Variants in SDHC observed in about 807,000 individuals in gnomAD.
SDHC encodes succinate dehydrogenase complex subunit C.
A neutral mutation model predicts 22.6 loss-of-function variants in SDHC; 11 were observed. The ratio of observed to expected loss-of-function variants is 0.49; its 90% CI spans 0.31 to 0.81. SDHC has a LOEUF of 0.81. SDHC is among the 30% of genes least tolerant of loss of function. The pLI, the probability that SDHC is intolerant of heterozygous loss-of-function variation, is 0.05. For missense variants in SDHC, 160 were observed against 212.0 expected (o/e 0.75, Z 1.52); for synonymous variants, 80 against 77.8 (o/e 1.03, Z -0.15).
chr1:161,323,029 C>T lies in SDHC; in HGVS notation c.21-585C>T, dbSNP rs181750089. ...TTATTTTTTTTTTGAGACAGAGTCT[C>T]GCTCTGTCACCCGGGCTGGAGTGCA... On this transcript the variant is annotated intron_variant, in intron 1 of 5. Coordinates refer to ENST00000367975, the MANE Select transcript of SDHC (RefSeq NM_003001.5). Among the ~76,000 whole-genome samples, 348 of 151,250 alleles carry T rather than the reference C, an allele frequency of 2.3e-3. 1 individual carries two copies. Among genetic ancestry groups the T allele is most frequent in the African/African-American group, 7.8e-3 (323 of 41,156 alleles).
intron 4 of SDHC, among the ~76,000 whole-genome samples, chr1:161,355,719 C>T (rs771168019): frequency 2.0e-5 from 3 of 152,182 alleles, no homozygotes; most frequent in Non-Finnish European, 2.9e-5. Context: ...CGCAGTGGCT[C>T]ATGCTGGTAA....
chr1:161,351,777 A>G (rs4481873), intron 4 of SDHC, among the ~76,000 whole-genome samples: 17,820 of 152,226 alleles, frequency 0.12, 1,416 homozygotes, highest in African/African-American at 0.22. Context: ...GTGTGACAAC[A>G]CTGGAAATAA....
At chr1:161,340,481 A>G (rs1371959374) in intron 3 of SDHC, 113 bp from the exon 4 acceptor site, 2 of 966,382 alleles carry the variant, frequency 2.1e-6, no homozygotes, top group Non-Finnish European at 3.2e-6. Context: ...CAAAAAAAAA[A>G]AAAGAAAAAA....
chr1:161,360,816 G>T (rs1267059838), intron 5 of SDHC, among the ~76,000 whole-genome samples: 1 of 151,712 alleles, frequency 6.6e-6, no homozygotes, highest in Non-Finnish European at 1.5e-5. Flanking sequence ...AAATAGAATA[G>T]AAAATATAGG....
At chr1:161,328,962 T>C (rs766906127) in intron 3 of SDHC, among the ~76,000 whole-genome samples, 6 of 152,038 alleles carry the variant, frequency 3.9e-5, no homozygotes, top group Non-Finnish European at 7.4e-5. Flanking sequence ...GGCTGGAGTG[T>C]AGTGGCGCGA....
intron 4 of SDHC, among the ~76,000 whole-genome samples, chr1:161,352,404 T>G (rs1323552071): frequency 4.6e-5 from 7 of 152,094 alleles, no homozygotes; most frequent in Non-Finnish European, 7.4e-5. Flanking sequence ...CTCCTTGACC[T>G]CCCAGAGATT....
At chr1:161,333,490 C>T (rs1410939804) in intron 3 of SDHC, among the ~76,000 whole-genome samples, 2 of 151,104 alleles carry the variant, frequency 1.3e-5, no homozygotes, top group Admixed American at 1.3e-4. Context: ...TTGCAACCTT[C>T]ACCTCCCAGG....
chr1:161,322,755 TG>T (rs80245101), intron 1 of SDHC, among the ~76,000 whole-genome samples: 11,534 of 152,020 alleles, frequency 0.076, 494 homozygotes, highest in South Asian at 0.15. Flanking sequence ...TTTGTAGAGA[TG>T]GGGTTTTACC....
At chr1:161,317,388 A>G (rs999730491) in intron 1 of SDHC, among the ~76,000 whole-genome samples, 3 of 151,960 alleles carry the variant, frequency 2.0e-5, no homozygotes, top group African/African-American at 7.2e-5. Context: ...TAATTGGCAA[A>G]TAAAAATTGT....
chr1:161,317,576 T>C (rs1341026064), intron 1 of SDHC, among the ~76,000 whole-genome samples: 1 of 127,656 alleles, frequency 7.8e-6, no homozygotes, highest in East Asian at 2.5e-4. Context: ...TTTTTTTTTT[T>C]TTTGAGACAG....
intron 3 of SDHC, among the ~76,000 whole-genome samples, chr1:161,333,471 C>T (rs1671359447): frequency 1.3e-5 from 2 of 148,972 alleles, no homozygotes; most frequent in Non-Finnish European, 3.0e-5. Flanking sequence ...GTGGCGCAGT[C>T]TCAGCTCATT....
rs1009295358 is a variant in SDHC, at chr1:161,361,821, C to T, written c.406-508C>T. On this transcript the variant is annotated intron_variant, in intron 5 of 5. Coordinates refer to ENST00000367975, the MANE Select transcript of SDHC (RefSeq NM_003001.5). ...TCATGCCACTGCACTCCAGCCTGGG[C>T]GACAGAGTGAGAGTCCGTCTCAAAA... Among the ~76,000 whole-genome samples, 9 of 123,408 alleles carry T rather than the reference C, an allele frequency of 7.3e-5. No homozygotes were observed. The East Asian group carries it at 1.7e-3, about 23-fold the overall frequency. The allele number at this position is 123,408 out of a possible 152,430, so 81.0% of individuals were successfully genotyped here.
intron 1 of SDHC, among the ~76,000 whole-genome samples, 154 bp from the exon 2 acceptor site, chr1:161,323,459 GC>G (rs1222250209): frequency 1.3e-5 from 2 of 152,072 alleles, no homozygotes; most frequent in African/African-American, 4.8e-5. Flanking sequence ...TGGAGTTGTA[GC>G]TTTTCAACTA....
At chr1:161,321,813 A>G (rs1274088857) in intron 1 of SDHC, among the ~76,000 whole-genome samples, 1 of 152,172 alleles carries the variant, frequency 6.6e-6, no homozygotes, top group Non-Finnish European at 1.5e-5. Context: ...TCTGTATGAG[A>G]TCTTGTGTCC....
intron 5 of SDHC, among the ~76,000 whole-genome samples, chr1:161,361,241 T>C (rs1368150912): frequency 6.6e-6 from 1 of 151,126 alleles, no homozygotes; most frequent in African/African-American, 2.4e-5. Flanking sequence ...AGTTTATTTA[T>C]ATATAAAATA....
intron 2 of SDHC, among the ~76,000 whole-genome samples, chr1:161,324,530 A>G (rs1052411165): frequency 3.9e-5 from 6 of 152,238 alleles, no homozygotes; most frequent in East Asian, 1.9e-4. Flanking sequence ...GAAGTTCTAC[A>G]TATCTTTCAC....
chr1:161,361,971 T>A (rs1672531682), intron 5 of SDHC, among the ~76,000 whole-genome samples: 1 of 152,114 alleles, frequency 6.6e-6, no homozygotes, highest in Admixed American at 6.6e-5. Flanking sequence ...AGCAAGTGTT[T>A]GGAAGAATAC....
chr1:161,355,078 A>G (rs1173052970), intron 4 of SDHC, among the ~76,000 whole-genome samples: 2 of 152,182 alleles, frequency 1.3e-5, no homozygotes, highest in Non-Finnish European at 2.9e-5. Flanking sequence ...TTGGTGGTCG[A>G]TAGCCACTGA....
chr1:161,349,984 C>T (rs555799621), intron 4 of SDHC, among the ~76,000 whole-genome samples: 24 of 152,184 alleles, frequency 1.6e-4, no homozygotes, highest in African/African-American at 5.8e-4. Context: ...AATCTCGGCT[C>T]ACTGCAACCT....
Sources: allele counts gnomAD v4.1 joint callset (sites outside exome capture counted in the v4.1 genomes callset), GRCh38; gene constraint gnomAD v4.1.1; transcripts MANE v1.5; gene names NCBI Gene and HGNC (gene_info 2026-07-23, HGNC 2026-07-21).